NEGR1: variants seen among roughly 807,000 people sequenced by gnomAD.
The protein encoded by NEGR1 is IgLON family member 4.
Under a neutral mutation model 40.9 loss-of-function variants are expected in NEGR1, and 10 were observed. The observed-to-expected ratio is 0.24, with a 90% CI of 0.15 to 0.42. The LOEUF (loss-of-function observed/expected upper bound fraction) is 0.42, where lower values mean the gene tolerates loss of function less well. Among genes scored for constraint, NEGR1 ranks in the 10% least tolerant of loss-of-function variants. The pLI, the probability that NEGR1 is intolerant of heterozygous loss-of-function variation, is 1.00. For synonymous variants in NEGR1, 185 were observed against 166.8 expected, an observed-to-expected ratio of 1.11 and a Z score of -0.84; for missense variants, 352 against 438.9, an observed-to-expected ratio of 0.80 and a Z score of 1.77.
At chr1:71,927,931 T>C (rs1369503485) in intron 2 of NEGR1, among the ~76,000 whole-genome samples, 1 of 142,894 alleles carries the variant, frequency 7.0e-6, no homozygotes, top group Non-Finnish European at 1.5e-5. Context: ...CCAGGGAGGT[T>C]GAGGCTGCAG....
chr1:71,904,179 C>T (rs1484150709), intron 2 of NEGR1, among the ~76,000 whole-genome samples: 1 of 151,726 alleles, frequency 6.6e-6, no homozygotes, highest in Non-Finnish European at 1.5e-5. Context: ...TATGTATCAC[C>T]AAACATAAAG....
At chr1:71,588,757 T>A (rs892665774) in intron 6 of NEGR1, among the ~76,000 whole-genome samples, 6 of 152,254 alleles carry the variant, frequency 3.9e-5, no homozygotes, top group African/African-American at 7.2e-5. Context: ...AAAGAAGATT[T>A]GAGAAAGAGG....
chr1:71,794,628 A>C (rs1034325436), intron 2 of NEGR1: 1 of 152,240 alleles, frequency 6.6e-6, no homozygotes, highest in Admixed American at 6.5e-5. Context: ...AAATATTAAA[A>C]TCAAAATTTT....
chr1:71,895,933 A>G (rs1385099050), intron 2 of NEGR1, among the ~76,000 whole-genome samples: 2 of 152,110 alleles, frequency 1.3e-5, no homozygotes, highest in African/African-American at 2.4e-5. Context: ...CTTTTTGCTA[A>G]CACCTCTTAT....
intron 6 of NEGR1, among the ~76,000 whole-genome samples, chr1:71,584,470 T>C (rs377073818): frequency 9.8e-5 from 15 of 152,318 alleles, no homozygotes; most frequent in Admixed American, 8.5e-4. Context: ...TTAATCATAA[T>C]GATACTCAGA....
At chr1:72,004,498 G>C (rs1222694022) in intron 1 of NEGR1, among the ~76,000 whole-genome samples, 1 of 151,968 alleles carries the variant, frequency 6.6e-6, no homozygotes, top group African/African-American at 2.4e-5. Flanking sequence ...TTGTCAGGCT[G>C]GTCTCAGACT....
chr1:72,242,733 C>T (rs1239354478), intron 1 of NEGR1, among the ~76,000 whole-genome samples: 1 of 151,596 alleles, frequency 6.6e-6, no homozygotes, highest in Non-Finnish European at 1.5e-5. Flanking sequence ...AAGCTATGTA[C>T]TACTTTATTA....
chr1:72,074,297 A>G (rs1647619530), intron 1 of NEGR1, among the ~76,000 whole-genome samples: 1 of 152,054 alleles, frequency 6.6e-6, no homozygotes, highest in South Asian at 2.1e-4. Flanking sequence ...ATAATTCAGG[A>G]TATAGTTTTC....
intron 6 of NEGR1, among the ~76,000 whole-genome samples, chr1:71,534,997 T>C (rs1448439817): frequency 2.0e-5 from 3 of 151,700 alleles, no homozygotes; most frequent in East Asian, 2.0e-4. Context: ...GTGACTATTA[T>C]ACTTTTATTT....
At chr1:72,215,507 A>T (rs1221974507) in intron 1 of NEGR1, among the ~76,000 whole-genome samples, 1 of 152,136 alleles carries the variant, frequency 6.6e-6, no homozygotes, top group Non-Finnish European at 1.5e-5. Flanking sequence ...AGGAATTTAA[A>T]TTTAAAAGAA....
chr1:71,684,908 AT>A (rs1174125602), intron 4 of NEGR1, among the ~76,000 whole-genome samples: 16 of 152,222 alleles, frequency 1.1e-4, no homozygotes, highest in African/African-American at 2.2e-4. Context: ...ATTTAAAAAA[AT>A]ATCTTTTAAC....
intron 1 of NEGR1, among the ~76,000 whole-genome samples, chr1:72,127,235 C>T (rs890022072): frequency 1.3e-5 from 2 of 152,022 alleles, no homozygotes; most frequent in South Asian, 4.2e-4. Context: ...GAGGCCGAGG[C>T]GGGAAGATCA....
intron 1 of NEGR1, among the ~76,000 whole-genome samples, chr1:72,051,297 T>G (rs538626167): frequency 6.6e-6 from 1 of 151,638 alleles, no homozygotes; most frequent in South Asian, 2.1e-4. Flanking sequence ...GATGACGACT[T>G]GATAATGGTA....
chr1:71,499,817 C>A (rs1326362799), intron 6 of NEGR1, among the ~76,000 whole-genome samples: 5 of 151,854 alleles, frequency 3.3e-5, no homozygotes, highest in Non-Finnish European at 7.4e-5. Context: ...AAAATAAAAT[C>A]TGTACCACAT....
At chr1:71,994,300 G>A (rs9787171) in intron 1 of NEGR1, among the ~76,000 whole-genome samples, 19,038 of 152,044 alleles carry the variant, frequency 0.13, 1,624 homozygotes, top group East Asian at 0.43. Context: ...AGGCCGAGGC[G>A]GGTGGATCAT....
chr1:71,487,064 T>A (rs979938933), intron 6 of NEGR1: 7 of 151,530 alleles, frequency 4.6e-5, no homozygotes, highest in African/African-American at 1.7e-4. Flanking sequence ...AGAGACACAA[T>A]ACATAGAAGA....
intron 3 of NEGR1, among the ~76,000 whole-genome samples, chr1:71,729,829 T>G (rs1654795208): frequency 6.7e-6 from 1 of 148,166 alleles, no homozygotes; most frequent in African/African-American, 2.5e-5. Flanking sequence ...TTTTGTTTTG[T>G]TTTGTTTTTT....
At chr1:71,575,595 A>T (rs1648937795) in intron 6 of NEGR1, among the ~76,000 whole-genome samples, 1 of 152,166 alleles carries the variant, frequency 6.6e-6, no homozygotes, top group African/African-American at 2.4e-5. Flanking sequence ...CACCCTGGCT[A>T]ACATGGTGAA....
rs556373279 is a variant in NEGR1, at chr1:72,215,447, A to C, written c.176+66872T>G. On this transcript the variant is annotated intron_variant, in intron 1 of 6. Transcript: ENST00000357731. The stretch of plus-strand genomic sequence containing the variant: ...ACAGGCAACCTACAGATTGGGAGAA[A>C]ATTTTTGCAATCTAACCATCAGACA... Among the ~76,000 whole-genome samples, 5 of 152,250 alleles carry C rather than the reference A, an allele frequency of 3.3e-5. No homozygotes were observed. The East Asian group carries it at 7.7e-4, about 24-fold the overall frequency.
Sources: gnomAD v4.1 joint callset for allele counts (sites outside exome capture counted in the v4.1 genomes callset) on GRCh38, gnomAD v4.1.1 for gene constraint, MANE v1.5 for transcripts, NCBI Gene and HGNC (gene_info 2026-07-23, HGNC 2026-07-21) for gene names.